RALYL: variants seen among roughly 807,000 people sequenced by gnomAD.
RALYL encodes RNA-binding Raly-like protein.
A neutral mutation model predicts 35.1 loss-of-function variants in RALYL; 29 were observed. The observed-to-expected ratio is 0.83, with a 90% confidence interval of 0.61 to 1.13. RALYL has a LOEUF of 1.13. Among genes scored for constraint, RALYL ranks in the 50% most tolerant of loss-of-function variants. RALYL has a pLI of 0.00. For synonymous variants in RALYL, 120 were observed against 127.6 expected (o/e 0.94, Z 0.40); for missense variants, 359 against 360.4 (o/e 1.00, Z 0.03).
At chr8:84,600,097 T>A (rs1046365655) in intron 2 of RALYL, among the ~76,000 whole-genome samples, 2 of 152,054 alleles carry the variant, frequency 1.3e-5, no homozygotes, top group Admixed American at 6.6e-5. Context: ...TGTCTGTCAA[T>A]CTTTGACTTA....
At chr8:84,732,757 C>T (rs557043271) in intron 2 of RALYL, among the ~76,000 whole-genome samples, 11 of 150,904 alleles carry the variant, frequency 7.3e-5, no homozygotes, top group South Asian at 6.3e-4. Flanking sequence ...AGTGCAGTGG[C>T]GCTATCTTGG....
At chr8:84,307,612 A>C (rs990472405) in intron 1 of RALYL, among the ~76,000 whole-genome samples, 1 of 152,210 alleles carries the variant, frequency 6.6e-6, no homozygotes, top group African/African-American at 2.4e-5. Flanking sequence ...CAGAAGGAGA[A>C]TAGAACATAG....
chr8:84,504,683 C>T (rs1403885588), intron 1 of RALYL, among the ~76,000 whole-genome samples: 1 of 152,096 alleles, frequency 6.6e-6, no homozygotes, highest in Non-Finnish European at 1.5e-5. Flanking sequence ...GTCCATATTA[C>T]ATTGTTAAGT....
chr8:84,345,369 A>G (rs923403276), intron 1 of RALYL, among the ~76,000 whole-genome samples: 1 of 151,880 alleles, frequency 6.6e-6, no homozygotes, highest in Non-Finnish European at 1.5e-5. Flanking sequence ...CCCTCCCCTC[A>G]CAAAGGCAGT....
rs1475839341 is a variant in RALYL at position 84,565,820 on chromosome 8, C to T, written c.256+36243C>T. On this transcript the variant is annotated intron_variant, in intron 2 of 8. Transcript: ENST00000521268. ...GAATAATTTACGTAACTTTTCTGAG[C>T]ATCCTCAACTTCCTCATTTGTAAAA... Among the ~76,000 whole-genome samples the T allele has an allele frequency of 2.0e-5, 3 of 151,742 alleles. No homozygotes were observed. In the East Asian group the frequency reaches 5.8e-4, roughly 29 times the overall value.
chr8:84,821,615 A>C (rs1563679799), intron 4 of RALYL, among the ~76,000 whole-genome samples: 1 of 152,218 alleles, frequency 6.6e-6, no homozygotes, highest in Non-Finnish European at 1.5e-5. Context: ...TCATCCAGCC[A>C]GGAGTGACTG....
chr8:84,586,872 T>TTG (rs1025872158), intron 2 of RALYL, among the ~76,000 whole-genome samples: 8 of 152,192 alleles, frequency 5.3e-5, no homozygotes, highest in African/African-American at 1.9e-4. Context: ...ATATGATTTT[T>TTG]TGTGTGTGTG....
At chr8:84,828,204 T>C (rs547472370) in intron 4 of RALYL, among the ~76,000 whole-genome samples, 8 of 152,174 alleles carry the variant, frequency 5.3e-5, no homozygotes, top group Non-Finnish European at 1.0e-4. Context: ...AGAAACAGCC[T>C]ATTAAATGTA....
chr8:84,480,421 G>A (rs1188482432), intron 1 of RALYL, among the ~76,000 whole-genome samples: 2 of 152,092 alleles, frequency 1.3e-5, no homozygotes, highest in African/African-American at 4.8e-5. Flanking sequence ...TCTGTTTGTA[G>A]GATTCCCTTA....
Position 84,920,297 on chromosome 8 carries a change from T to C in RALYL, c.859-597T>C, listed in dbSNP as rs1303007914. On this transcript the variant is annotated intron_variant, in intron 8 of 8. Coordinates refer to ENST00000521268, the MANE Select transcript of RALYL (RefSeq NM_173848.7). ...ACTGATTGAGTCTTGCATTATTTTG[T>C]CTTCATATTCAATTTCAATCAGTTG... Among the ~76,000 whole-genome samples the C allele has an allele frequency of 2.6e-5, 4 of 152,226 alleles. No homozygotes were observed. In the East Asian group the frequency reaches 7.7e-4, roughly 29 times the overall value.
chr8:84,633,390 A>T (rs1032517073), intron 2 of RALYL, among the ~76,000 whole-genome samples: 11 of 151,830 alleles, frequency 7.2e-5, no homozygotes, highest in Admixed American at 2.6e-4. Flanking sequence ...TTAAAAAAAA[A>T]TTTTTAGCTG....
intron 4 of RALYL, among the ~76,000 whole-genome samples, chr8:84,833,091 C>T (rs1259361329): frequency 6.6e-6 from 1 of 152,128 alleles, no homozygotes; most frequent in Non-Finnish European, 1.5e-5. Flanking sequence ...AAAGGCTCTT[C>T]TCTAGCCCAA....
At chr8:84,680,070 A>G (rs1835078817) in intron 2 of RALYL, among the ~76,000 whole-genome samples, 1 of 151,514 alleles carries the variant, frequency 6.6e-6, no homozygotes, top group African/African-American at 2.4e-5. Context: ...CTCATTGTTC[A>G]ATTCCCACCT....
chr8:84,573,352 T>C (rs939758156), intron 2 of RALYL, among the ~76,000 whole-genome samples: 1 of 151,764 alleles, frequency 6.6e-6, no homozygotes, highest in Non-Finnish European at 1.5e-5. Context: ...TTATAGTTTT[T>C]ATTCCTATCA....
intron 1 of RALYL, among the ~76,000 whole-genome samples, chr8:84,372,161 T>G (rs192479193): frequency 6.6e-6 from 1 of 152,168 alleles, no homozygotes; most frequent in East Asian, 1.9e-4. Context: ...TCTTGGCTGC[T>G]AATGGAGAAA....
At chr8:84,486,151 T>C (rs1383887886) in intron 1 of RALYL, among the ~76,000 whole-genome samples, 1 of 151,424 alleles carries the variant, frequency 6.6e-6, no homozygotes, top group Non-Finnish European at 1.5e-5. Flanking sequence ...TACATTGGAT[T>C]ATTGTTTAGA....
intron 1 of RALYL, among the ~76,000 whole-genome samples, chr8:84,330,697 G>A (rs1425193364): frequency 3.9e-5 from 6 of 151,948 alleles, no homozygotes; most frequent in Admixed American, 6.6e-5. Flanking sequence ...TTGAAATTTG[G>A]CATTTCACAA....
At chr8:84,469,741 G>T (rs929723811) in intron 1 of RALYL, among the ~76,000 whole-genome samples, 2 of 152,166 alleles carry the variant, frequency 1.3e-5, no homozygotes, top group African/African-American at 2.4e-5. Flanking sequence ...CCCCAGCCTA[G>T]CTGCCCCCTT....
intron 3 of RALYL, among the ~76,000 whole-genome samples, chr8:84,777,868 C>G (rs1203278784): frequency 6.6e-6 from 1 of 152,158 alleles, no homozygotes; most frequent in Non-Finnish European, 1.5e-5. Flanking sequence ...GTCTCGATCT[C>G]CTGACCTCGT....
Sources: allele counts gnomAD v4.1 joint callset (sites outside exome capture counted in the v4.1 genomes callset), GRCh38; gene constraint gnomAD v4.1.1; transcripts MANE v1.5; gene names NCBI Gene and HGNC (gene_info 2026-07-23, HGNC 2026-07-21).